The following MARCHF4 variants were observed in gnomAD, a reference collection of about 807,000 sequenced individuals.
MARCHF4 encodes membrane associated ring-CH-type finger 4.
MARCHF4 carries 14 observed loss-of-function variants against 43.9 expected under a neutral mutation model. The ratio of observed to expected loss-of-function variants is 0.32; its 90% CI spans 0.21 to 0.50. MARCHF4 has a LOEUF of 0.50. Among genes scored for constraint, MARCHF4 ranks in the 20% least tolerant of loss-of-function variants. The pLI, the probability that MARCHF4 is intolerant of heterozygous loss-of-function variation, is 0.98. For synonymous variants in MARCHF4, 226 were observed against 213.3 expected, an observed-to-expected ratio of 1.06 and a Z score of -0.52; for missense variants, 468 against 536.7, an observed-to-expected ratio of 0.87 and a Z score of 1.27.
chr2:216,316,833 C>G (rs2105960163), intron 1 of MARCHF4, among the ~76,000 whole-genome samples: 2 of 152,276 alleles, frequency 1.3e-5, no homozygotes, highest in East Asian at 3.9e-4. Context: ...GATCTGTGCA[C>G]TTTACTTTGA....
rs1341567863 is a variant in MARCHF4 at position 216,259,422 on chromosome 2, G to A, written c.1123C>T (p.His375Tyr). Residue 375 changes from histidine to tyrosine, a missense_variant, in exon 4 of 4, where the codon CAC (histidine) becomes TAC (tyrosine). His to Tyr is a moderately conservative substitution (Grantham distance 83). Transcript: ENST00000273067. ...TGCAGGATGGTATAAGCACAGTGGT[G>A]ATGGGACAGAGGGCCTGAGGGGTGG... The part of the protein sequence containing the change: ...AGHPSGPLSH[H>Y]HCAYTILHIL... 6.2e-7 allele frequency: 1 copy of A among 1,613,900 alleles called. No homozygotes were observed. Among genetic ancestry groups the A allele is most frequent in the East Asian group, 2.2e-5 (1 of 44,874 alleles).
Position 216,371,524 on chromosome 2 carries a change from TC to T in MARCHF4, c.-1265del, listed in dbSNP as rs1339354357. On this transcript the variant is annotated 5_prime_UTR_variant, in exon 1 of 4. It removes the in-frame stop codon of an upstream open reading frame in the 5' UTR. Coordinates refer to ENST00000273067, the MANE Select transcript of MARCHF4 (RefSeq NM_020814.3). Reference sequence around the variant, plus strand: ...GACTGCTGCTCGGCGTCCGGGTGTCTCCGGGGCGGGGGCTGCTCCGGCTCGT... The same window carrying T: ...GACTGCTGCTCGGCGTCCGGGTGTCTCGGGGCGGGGGCTGCTCCGGCTCGT... 1 of 152,246 alleles carries T rather than the reference TC, an allele frequency of 6.6e-6. No homozygotes were observed. The highest frequency in any genetic ancestry group is 1.5e-5 in the Non-Finnish European group (1 of 68,168). 9.4% of individuals were successfully genotyped at this position (152,246 alleles called of 1,614,324 possible). A position where few individuals can be genotyped will look rare whatever the true frequency, so the allele number is the denominator to read the frequency against.
chr2:216,340,566 C>A (rs1489765811), intron 1 of MARCHF4, among the ~76,000 whole-genome samples: 1 of 152,138 alleles, frequency 6.6e-6, no homozygotes, highest in East Asian at 1.9e-4. Flanking sequence ...TTGTCAGTAG[C>A]CCCCCAGGGC....
intron 1 of MARCHF4, among the ~76,000 whole-genome samples, chr2:216,289,013 C>G (rs951321894): frequency 2.0e-5 from 3 of 146,470 alleles, no homozygotes; most frequent in Middle Eastern, 3.6e-3. Context: ...TTATATATAT[C>G]TATATATGAA....
chr2:216,269,455 G>A (rs1362794940), intron 3 of MARCHF4, among the ~76,000 whole-genome samples: 2 of 152,162 alleles, frequency 1.3e-5, no homozygotes, highest in Non-Finnish European at 1.5e-5. Context: ...GGACATAGGT[G>A]AGGGAACAAA....
In MARCHF4 at chr2:216,258,507, G is replaced by GGTGTGTGTGTGTGTGT. The variant is rs61382542; in HGVS notation, c.*789_*804dup. 1.9e-4 allele frequency: 27 copies of GGTGTGTGTGTGTGTGT among 145,250 alleles called. No homozygotes were observed. Among genetic ancestry groups the GGTGTGTGTGTGTGTGT allele is most frequent in the Middle Eastern group, 3.5e-3 (1 of 288 alleles). The allele number at this position is 145,250 out of a possible 1,614,324, so 9.0% of individuals were successfully genotyped here. On this transcript the variant is annotated 3_prime_UTR_variant, in exon 4 of 4. Coordinates refer to ENST00000273067, the MANE Select transcript of MARCHF4 (RefSeq NM_020814.3). Reference sequence around the variant, plus strand: ...CTGGAAATCTGTACTTTTCTCTAGGGGTGTGTGTGTGTGTGTGTGTGTGTG... The same window carrying GGTGTGTGTGTGTGTGT: ...CTGGAAATCTGTACTTTTCTCTAGGGGTGTGTGTGTGTGTGTGTGTGTGTGTGTGTGTGTGTGTGTG...
intron 1 of MARCHF4, among the ~76,000 whole-genome samples, chr2:216,287,104 C>T (rs893647180): frequency 6.6e-6 from 1 of 152,200 alleles, no homozygotes; most frequent in Admixed American, 6.5e-5. Context: ...TGTAAGTCTC[C>T]CCTTCTCCAG....
intron 1 of MARCHF4, among the ~76,000 whole-genome samples, chr2:216,329,274 G>A (rs577394883): frequency 3.6e-4 from 55 of 152,140 alleles, no homozygotes; most frequent in African/African-American, 1.3e-3. Context: ...CCAGCTACTC[G>A]GGAGGCGGAG....
intron 1 of MARCHF4, among the ~76,000 whole-genome samples, chr2:216,356,687 TTTAAC>T (rs1692508244): frequency 6.6e-6 from 1 of 152,220 alleles, no homozygotes; most frequent in East Asian, 1.9e-4. Flanking sequence ...ATTTTTATTT[TTTAAC>T]TTTTCATTTT....
chr2:216,341,568 ACT>A (rs1692236032), intron 1 of MARCHF4, among the ~76,000 whole-genome samples: 2 of 152,170 alleles, frequency 1.3e-5, no homozygotes, highest in Non-Finnish European at 2.9e-5. Context: ...ATAAGGCAAA[ACT>A]CAGTCCACAA....
Position 216,370,173 on chromosome 2 carries a change from G to T in MARCHF4, c.88C>A (p.Gln30Lys), listed in dbSNP as rs1692736177. The T allele has an allele frequency of 1.9e-6, 3 of 1,611,908 alleles. No individual in the cohort carries two copies. Among genetic ancestry groups the T allele is most frequent in the African/African-American group, 1.3e-5 (1 of 74,924 alleles). ...YCYGLCAPAPQMLRHQGLLKC... is the reference protein window; with the variant it reads ...YCYGLCAPAPKMLRHQGLLKC... The stretch of plus-strand genomic sequence containing the variant: ...AGGAGACCCTGGTGGCGCAACATCT[G>T]GGGGGCTGGGGCACACAATCCATAG... The change falls in exon 1 of 4, where the codon CAG becomes AAG. Residue 30 changes from glutamine (Q) to lysine (K), a missense_variant. Physicochemically the swap from Gln to Lys is moderately conservative, Grantham distance 53 (BLOSUM62 1). Around this residue, in one of 3 missense-constraint regions of MARCHF4, gnomAD observed 190 missense variants for 158.5 expected, o/e 1.20. Coordinates refer to ENST00000273067, the MANE Select transcript of MARCHF4 (RefSeq NM_020814.3).
rs1452301231 is a variant in MARCHF4, at chr2:216,370,808, G to C, written c.-548C>G. 6.6e-6 allele frequency: 1 copy of C among 152,246 alleles called. No homozygotes were observed. Among genetic ancestry groups the C allele is most frequent in the African/African-American group, 2.4e-5 (1 of 41,436 alleles). 9.4% of individuals were successfully genotyped at this position (152,246 alleles called of 1,614,324 possible). On this transcript the variant is annotated 5_prime_UTR_variant, in exon 1 of 4. Transcript: ENST00000273067. The stretch of plus-strand genomic sequence containing the variant: ...CTCAATGAAGAATTGAGGACTGCAT[G>C]TGTGAGAGAGAAAAGATCGTTTTTC...
At chr2:216,305,779 T>C (rs1217788578) in intron 1 of MARCHF4, among the ~76,000 whole-genome samples, 1 of 152,176 alleles carries the variant, frequency 6.6e-6, no homozygotes, top group Non-Finnish European at 1.5e-5. Flanking sequence ...ATCCTGGTCA[T>C]ATAAAAGAAA....
chr2:216,286,673 T>A (rs922793745), intron 1 of MARCHF4, among the ~76,000 whole-genome samples: 42 of 152,344 alleles, frequency 2.8e-4, no homozygotes, highest in African/African-American at 1.0e-3. Context: ...AACTCTTGCA[T>A]TCAGGCAAAT....
chr2:216,338,456 T>C (rs1036125954), intron 1 of MARCHF4, among the ~76,000 whole-genome samples: 3 of 152,126 alleles, frequency 2.0e-5, no homozygotes, highest in Non-Finnish European at 4.4e-5. Flanking sequence ...CAGTGGCTGT[T>C]TGCCTCCTTG....
At chr2:216,264,580 A>G (rs1418815903) in intron 3 of MARCHF4, among the ~76,000 whole-genome samples, 5 of 152,196 alleles carry the variant, frequency 3.3e-5, no homozygotes, top group African/African-American at 1.2e-4. Context: ...GGTCTGGTTA[A>G]TCTCCGGCAG....
In MARCHF4 at chr2:216,288,115, A is replaced by T. The variant is rs146928888; in HGVS notation, c.517-4386T>A. Among the ~76,000 whole-genome samples, 144 of 152,284 alleles carry T rather than the reference A, an allele frequency of 9.5e-4. 1 individual carries two copies. The highest frequency in any genetic ancestry group is 3.0e-3 in the African/African-American group (124 of 41,564). On this transcript the variant is annotated intron_variant, in intron 1 of 3. Transcript: ENST00000273067. ...GTAGCTGGGACTACAGGCACATGCC[A>T]CCATGCCCAGCAACATGTATTGTAC... is the stretch of plus-strand genomic sequence containing the variant.
At chr2:216,335,898 T>C (rs1396508627) in intron 1 of MARCHF4, among the ~76,000 whole-genome samples, 1 of 151,744 alleles carries the variant, frequency 6.6e-6, no homozygotes, top group Non-Finnish European at 1.5e-5. Context: ...TGAAACCCCA[T>C]CTCTACTAAA....
At chr2:216,273,499 T>C (rs1343313976) in intron 3 of MARCHF4, among the ~76,000 whole-genome samples, 1 of 152,210 alleles carries the variant, frequency 6.6e-6, no homozygotes, top group Non-Finnish European at 1.5e-5. Context: ...TGGATATTGA[T>C]GCTTTTTTGT....
Sources: allele counts gnomAD v4.1 joint callset (sites outside exome capture counted in the v4.1 genomes callset), GRCh38; gene constraint gnomAD v4.1.1; regional missense constraint gnomAD v4.1.1; transcripts MANE v1.5; gene names NCBI Gene and HGNC (gene_info 2026-07-23, HGNC 2026-07-21).